Variants in XPNPEP1 observed in about 807,000 individuals in gnomAD.
XPNPEP1 encodes the protein xaa-Pro aminopeptidase 1.
In XPNPEP1, 39 loss-of-function variants were observed where a neutral mutation model predicts 92.4. The ratio of observed to expected loss-of-function variants is 0.42; its 90% confidence interval spans 0.33 to 0.55. XPNPEP1 has a LOEUF of 0.55. Ranked by LOEUF, XPNPEP1 falls within the 20% of genes least tolerant of loss-of-function variation. The pLI is 0.08. For missense variants in XPNPEP1, 654 were observed against 856.1 expected, an observed-to-expected ratio of 0.76 and a Z score of 2.95; for synonymous variants, 307 against 299.4, an observed-to-expected ratio of 1.03 and a Z score of -0.26.
chr10:109,914,802 A>T (rs1259420770), intron 2 of XPNPEP1, among the ~76,000 whole-genome samples: 1 of 151,908 alleles, frequency 6.6e-6, no homozygotes, highest in Non-Finnish European at 1.5e-5. Flanking sequence ...CGTCTCAAAA[A>T]AAAAAAAAAA....
chr10:109,906,793 C>T (rs1469791763), intron 3 of XPNPEP1, among the ~76,000 whole-genome samples: 3 of 152,102 alleles, frequency 2.0e-5, no homozygotes, highest in Non-Finnish European at 4.4e-5. Flanking sequence ...CCTAGAACCT[C>T]TTTCCTCCTC....
chr10:109,915,187 C>T (rs1287149138), intron 1 of XPNPEP1, 88 bp from the exon 2 acceptor site: 2 of 669,252 alleles, frequency 3.0e-6, no homozygotes, highest in Non-Finnish European at 4.6e-6. Context: ...CTTAACTTAG[C>T]AGTTCTCTAA....
At chr10:109,896,512 A>G (rs1849000979) in intron 3 of XPNPEP1, among the ~76,000 whole-genome samples, 1 of 148,040 alleles carries the variant, frequency 6.8e-6, no homozygotes, top group East Asian at 2.0e-4. Context: ...TCAAGTGATC[A>G]GCCTGCCTCA....
intron 2 of XPNPEP1, 126 bp downstream of exon 2, chr10:109,914,885 A>G: frequency 2.1e-6 from 1 of 471,848 alleles, no homozygotes; most frequent in Non-Finnish European, 3.6e-6. Flanking sequence ...TAACTTCCAG[A>G]TACTAACCCC....
At chr10:109,880,108 G>C (rs1306357286) in intron 12 of XPNPEP1, 80 bp downstream of exon 12, 2 of 1,379,862 alleles carry the variant, frequency 1.4e-6, no homozygotes, top group Non-Finnish European at 2.1e-6. Flanking sequence ...GCAGAGCATG[G>C]GAGATGCTAG....
chr10:109,911,591 G>C (rs943332384), intron 2 of XPNPEP1, among the ~76,000 whole-genome samples: 1 of 152,156 alleles, frequency 6.6e-6, no homozygotes, highest in African/African-American at 2.4e-5. Context: ...TCTTTCAGGA[G>C]CTTCAGAATA....
chr10:109,876,956 T>G lies in XPNPEP1; in HGVS notation c.1319+834A>C, dbSNP rs200266707. On this transcript the variant is annotated intron_variant, in intron 14 of 20. Transcript: ENST00000502935. ...CTCGGCCCTGTGGGTCCATGGGTTCTTGTAGACCACGTGGTAAAAAAACCA... is the reference window on the plus strand; with the variant it reads ...CTCGGCCCTGTGGGTCCATGGGTTCGTGTAGACCACGTGGTAAAAAAACCA... 165 of 152,444 alleles carry G rather than the reference T, an allele frequency of 1.1e-3. 1 individual carries two copies. The highest frequency in any genetic ancestry group is 6.8e-3 in the East Asian group (35 of 5,176). The allele number at this position is 152,444 out of a possible 1,614,324, so 9.4% of individuals were successfully genotyped here. A position where few individuals can be genotyped will look rare whatever the true frequency, so the allele number is the denominator to read the frequency against.
chr10:109,897,842 CAG>C (rs1293160369), intron 3 of XPNPEP1, among the ~76,000 whole-genome samples: 2 of 152,036 alleles, frequency 1.3e-5, no homozygotes, highest in Non-Finnish European at 2.9e-5. Context: ...TTAGTAGAGA[CAG>C]GGTTTTGCCA....
intron 3 of XPNPEP1, among the ~76,000 whole-genome samples, chr10:109,898,925 T>C (rs1489069835): frequency 1.3e-5 from 2 of 152,206 alleles, no homozygotes; most frequent in African/African-American, 4.8e-5. Context: ...CACATTAGCG[T>C]GACATCTTTC....
At position 109,883,854 on chromosome 10, in the gene XPNPEP1, C is replaced by T. The variant is rs537202485; in HGVS notation, c.830+213G>A. On this transcript the variant is annotated intron_variant, in intron 9 of 20. Transcript: ENST00000502935. ...GGCCCGAACTATAGACACTTTCATG[C>T]GTTTCAAACCATTTTGGGGGCTCAA... 279 of 486,366 alleles carry T rather than the reference C, an allele frequency of 5.7e-4. 2 individuals carry two copies. The Middle Eastern group carries it at 0.01, about 18-fold the overall frequency. 30.1% of individuals were successfully genotyped at this position (486,366 alleles called of 1,614,324 possible).
At chr10:109,894,695 A>G (rs1279174418) in intron 3 of XPNPEP1, among the ~76,000 whole-genome samples, 1 of 152,186 alleles carries the variant, frequency 6.6e-6, no homozygotes, top group Non-Finnish European at 1.5e-5. Flanking sequence ...CCTGCCCACT[A>G]GCCCAGGCCC....
intron 16 of XPNPEP1, among the ~76,000 whole-genome samples, chr10:109,872,400 T>G (rs1473277421): frequency 1.3e-5 from 2 of 152,180 alleles, no homozygotes. Flanking sequence ...TCAGGGGTTA[T>G]CCCCACTGTC....
At chr10:109,909,643 C>T (rs889577736) in intron 2 of XPNPEP1, among the ~76,000 whole-genome samples, 10 of 152,130 alleles carry the variant, frequency 6.6e-5, no homozygotes, top group Non-Finnish European at 1.0e-4. Flanking sequence ...TAGCTGTAGT[C>T]CTATGTCTAC....
At chr10:109,883,360 C>G (rs1483812152) in intron 9 of XPNPEP1, among the ~76,000 whole-genome samples, 1 of 152,214 alleles carries the variant, frequency 6.6e-6, no homozygotes, top group East Asian at 1.9e-4. Context: ...TATCCTTACT[C>G]TCTGCTTCAA....
chr10:109,887,711 C>T (rs1182346167), intron 7 of XPNPEP1, among the ~76,000 whole-genome samples: 1 of 152,152 alleles, frequency 6.6e-6, no homozygotes, highest in Non-Finnish European at 1.5e-5. Context: ...GGAAATGGAA[C>T]CTAGAAACCT....
At chr10:109,881,573 A>AG (rs1337976672) in intron 10 of XPNPEP1, among the ~76,000 whole-genome samples, 1 of 152,122 alleles carries the variant, frequency 6.6e-6, no homozygotes, top group African/African-American at 2.4e-5. Context: ...GAGAGAGAGG[A>AG]GGAGTCACAC....
intron 14 of XPNPEP1, chr10:109,876,334 C>T (rs373495489): frequency 1.3e-5 from 2 of 152,218 alleles, no homozygotes; most frequent in East Asian, 1.9e-4. Context: ...CCAGGTACCA[C>T]CCCCTCTTCA....
chr10:109,888,650 C>T, intron 5 of XPNPEP1, 55 bp from the exon 6 acceptor site: 1 of 1,397,388 alleles, frequency 7.2e-7, no homozygotes, highest in Admixed American at 2.2e-5. Context: ...CGCTCATTAT[C>T]CCACCAGAAA....
At chr10:109,874,377 C>T (rs145078178) in intron 15 of XPNPEP1, among the ~76,000 whole-genome samples, 7 of 152,330 alleles carry the variant, frequency 4.6e-5, no homozygotes, top group Admixed American at 4.6e-4. Context: ...CAGGGGGTTT[C>T]CTGGACAGAG....
Sources: allele counts gnomAD v4.1 joint callset (sites outside exome capture counted in the v4.1 genomes callset), GRCh38; gene constraint gnomAD v4.1.1; transcripts MANE v1.5; gene names NCBI Gene and HGNC (gene_info 2026-07-23, HGNC 2026-07-21).